The following ATP5MC2 variants were observed in gnomAD, a reference collection of about 807,000 sequenced individuals.
The protein encoded by ATP5MC2 is ATP synthase F(0) complex subunit C2, mitochondrial.
ATP5MC2 carries 11 observed loss-of-function variants against 13.5 expected under a neutral mutation model. The ratio of observed to expected loss-of-function variants is 0.81; its 90% CI spans 0.51 to 1.35. ATP5MC2 has a LOEUF of 1.35. Among genes scored for constraint, ATP5MC2 ranks in the 40% most tolerant of loss-of-function variants. The probability of loss-of-function intolerance (pLI) is 0.00; values close to 1 mark genes in which losing one functional copy is unlikely to be tolerated. For missense variants in ATP5MC2, 132 were observed against 175.0 expected, an observed-to-expected ratio of 0.75 and a Z score of 1.39; for synonymous variants, 64 against 69.7, an observed-to-expected ratio of 0.92 and a Z score of 0.41.
chr12:53,669,195 C>G lies in ATP5MC2; in HGVS notation c.264G>C (p.Gly88=). Residue 88 remains glycine (G), a synonymous_variant, in exon 4 of 5, where the codon GGG becomes GGC. Transcript: ENST00000394349. ...TCCCAAACACAGTTCCAATCCCAGCCCCAGAACCAGCCACCCCAACTGTGG... is the reference window on the plus strand; with the variant it reads ...TCCCAAACACAGTTCCAATCCCAGCGCCAGAACCAGCCACCCCAACTGTGG... The part of the protein sequence containing the change: ...GAATVGVAGS[G]AGIGTVFGSL... 6.2e-7 allele frequency: 1 copy of G among 1,613,896 alleles called. No homozygotes were observed. Among genetic ancestry groups the G allele is most frequent in the Non-Finnish European group, 8.5e-7 (1 of 1,179,872 alleles).
At chr12:53,677,477 G>A (rs551876351), upstream of ATP5MC2, 1 of 152,332 alleles carries the variant, frequency 6.6e-6, no homozygotes, top group East Asian at 1.9e-4. Context: ...TCTTGCAGGC[G>A]GGCGGCAGAG....
intron 1 of ATP5MC2, chr12:53,673,270 G>A: frequency 6.5e-6 from 1 of 153,086 alleles, no homozygotes. Context: ...AGTGAGACGA[G>A]ACCACGCCAC....
At chr12:53,676,483 A>C, upstream of ATP5MC2, 1 of 328,664 alleles carries the variant, frequency 3.0e-6, no homozygotes, top group Non-Finnish European at 5.7e-6. Flanking sequence ...AGCAGGAGGA[A>C]GATCTTGGGA....
At chr12:53,676,098 G>C (rs149471306), upstream of ATP5MC2, 27 of 1,614,272 alleles carry the variant, frequency 1.7e-5, no homozygotes, top group Middle Eastern at 4.9e-4. Flanking sequence ...GCAGCGGGAA[G>C]AGCGAAAGGA....
At chr12:53,679,759 T>G (rs1263958804), upstream of ATP5MC2, among the ~76,000 whole-genome samples, 3 of 152,192 alleles carry the variant, frequency 2.0e-5, no homozygotes, top group Non-Finnish European at 4.4e-5. Context: ...ACTGATATAT[T>G]TTCTACTTTT....
upstream of ATP5MC2, among the ~76,000 whole-genome samples, chr12:53,678,046 G>T (rs746661202): frequency 6.6e-6 from 1 of 152,266 alleles, no homozygotes; most frequent in South Asian, 2.1e-4. Context: ...AAGGGGCCTG[G>T]GAGGAAGCTA....
chr12:53,675,670 C>T (rs1451516582), intron 1 of ATP5MC2, among the ~76,000 whole-genome samples: 10 of 152,098 alleles, frequency 6.6e-5, no homozygotes, highest in Non-Finnish European at 1.0e-4. Context: ...ATAAAGAAGG[C>T]ACAAGTCAGG....
chr12:53,676,246 C>T, upstream of ATP5MC2: 1 of 1,589,704 alleles, frequency 6.3e-7, no homozygotes, highest in Non-Finnish European at 8.6e-7. Flanking sequence ...CTCCACCTGG[C>T]GTTCGAGAGG....
upstream of ATP5MC2, chr12:53,676,605 C>A: frequency 5.2e-6 from 1 of 192,964 alleles, no homozygotes; most frequent in South Asian, 8.4e-5. Flanking sequence ...GCCCTTTCCC[C>A]CACTCCCCGT....
intron 4 of ATP5MC2, among the ~76,000 whole-genome samples, chr12:53,667,969 AT>A (rs1369810430): frequency 1.0e-4 from 5 of 48,118 alleles, no homozygotes; most frequent in African/African-American, 6.6e-4. Context: ...ATATATATAT[AT>A]ATATATATAT....
chr12:53,672,621 G>C lies in ATP5MC2; in HGVS notation c.-7C>G, dbSNP rs182053874. 2.5e-6 allele frequency: 4 copies of C among 1,583,160 alleles called. No individual in the cohort carries two copies. In the Admixed American group the frequency reaches 5.5e-5, roughly 22 times the overall value. On this transcript the variant is annotated 5_prime_UTR_variant, in exon 2 of 5. Coordinates refer to ENST00000394349, the MANE Select transcript of ATP5MC2 (RefSeq NM_005176.7). Reference sequence around the variant, plus strand: ...ACTTGGAGCAGGCGAACATTTTCAGGGGGTGAGGAGCTGTGGCAGGAGAGC... The same window carrying C: ...ACTTGGAGCAGGCGAACATTTTCAGCGGGTGAGGAGCTGTGGCAGGAGAGC...
chr12:53,676,227 G>C (rs1243284698), upstream of ATP5MC2: 1 of 1,598,850 alleles, frequency 6.3e-7, no homozygotes, highest in Non-Finnish European at 8.5e-7. Flanking sequence ...GGCGGTATCC[G>C]GCCGGTTGCT....
At chr12:53,670,972 T>C (rs1005802086) in intron 2 of ATP5MC2, among the ~76,000 whole-genome samples, 4 of 117,422 alleles carry the variant, frequency 3.4e-5, no homozygotes, top group African/African-American at 1.8e-4. Context: ...CATCATAAAG[T>C]TAAAAAAAAA....
intron 4 of ATP5MC2, among the ~76,000 whole-genome samples, chr12:53,666,575 C>G (rs1944919864): frequency 7.0e-6 from 1 of 141,910 alleles, no homozygotes; most frequent in Non-Finnish European, 1.5e-5. Flanking sequence ...AAGACTCTGT[C>G]TCAAAAAAAA....
chr12:53,671,807 G>T (rs138114399), intron 2 of ATP5MC2, among the ~76,000 whole-genome samples: 1 of 152,048 alleles, frequency 6.6e-6, no homozygotes, highest in Non-Finnish European at 1.5e-5. Context: ...CGAGGACGGC[G>T]GATCACCTGA....
At chr12:53,679,810 C>G (rs1221791874), upstream of ATP5MC2, among the ~76,000 whole-genome samples, 1 of 152,072 alleles carries the variant, frequency 6.6e-6, no homozygotes, top group Non-Finnish European at 1.5e-5. Flanking sequence ...GACTGTGAGA[C>G]ATCGGTAAAC....
intron 1 of ATP5MC2, chr12:53,673,999 G>C (rs910570763): frequency 1.3e-5 from 2 of 153,110 alleles, no homozygotes; most frequent in Admixed American, 1.3e-4. Flanking sequence ...TTATCTGGGT[G>C]GTGTACGTAT....
chr12:53,672,139 GTATC>G (rs1217129794), intron 2 of ATP5MC2, among the ~76,000 whole-genome samples: 2 of 149,288 alleles, frequency 1.3e-5, no homozygotes, highest in Non-Finnish European at 3.0e-5. Context: ...GGGCAGGAGA[GTATC>G]TAGCAAGCAT....
chr12:53,681,231 AAG>A (rs991806790), upstream of ATP5MC2, among the ~76,000 whole-genome samples: 11 of 151,736 alleles, frequency 7.2e-5, no homozygotes, highest in African/African-American at 2.4e-4. Context: ...AGAAAAGAAA[AAG>A]AAAAAAACAA....
Sources: allele counts gnomAD v4.1 joint callset (sites outside exome capture counted in the v4.1 genomes callset), GRCh38; gene constraint gnomAD v4.1.1; transcripts MANE v1.5; gene names NCBI Gene and HGNC (gene_info 2026-07-23, HGNC 2026-07-21).